The following PRKCA variants were observed in gnomAD, a reference collection of about 807,000 sequenced individuals.
The protein encoded by PRKCA is protein kinase C alpha type.
Under a neutral mutation model 87.0 loss-of-function variants are expected in PRKCA, and 27 were observed. The ratio of observed to expected loss-of-function variants is 0.31; its 90% CI spans 0.23 to 0.43. The LOEUF is 0.43. PRKCA is among the 20% of genes least tolerant of loss of function. The pLI is 1.00. For synonymous variants in PRKCA, 329 were observed against 311.1 expected, an observed-to-expected ratio of 1.06 and a Z score of -0.61; for missense variants, 518 against 852.3, an observed-to-expected ratio of 0.61 and a Z score of 4.88.
chr17:66,735,746 C>A, intron 10 of PRKCA, 84 bp downstream of exon 10: 1 of 1,473,834 alleles, frequency 6.8e-7, no homozygotes, highest in Non-Finnish European at 9.2e-7. Context: ...ATCCTTGTTC[C>A]TTTGGAGAAG....
intron 3 of PRKCA, among the ~76,000 whole-genome samples, chr17:66,617,538 C>T (rs1201532120): frequency 6.6e-6 from 1 of 152,134 alleles, no homozygotes; most frequent in African/African-American, 2.4e-5. Flanking sequence ...GTAAATTATG[C>T]ATGGGCTGGC....
chr17:66,632,066 C>A (rs1971029781), intron 3 of PRKCA, among the ~76,000 whole-genome samples: 1 of 152,104 alleles, frequency 6.6e-6, no homozygotes. Context: ...GCCAACAAAG[C>A]CCCTGTGTAG....
chr17:66,698,894 C>T (rs1972994640), intron 8 of PRKCA, among the ~76,000 whole-genome samples: 1 of 150,292 alleles, frequency 6.7e-6, no homozygotes, highest in African/African-American at 2.4e-5. Flanking sequence ...GCACAGGAAT[C>T]ACTTGAACCT....
At chr17:66,477,583 C>T (rs563059077) in intron 2 of PRKCA, among the ~76,000 whole-genome samples, 5 of 152,172 alleles carry the variant, frequency 3.3e-5, no homozygotes, top group Non-Finnish European at 7.3e-5. Context: ...ACCTGTAGTC[C>T]TAGCTACTTG....
chr17:66,424,568 A>AC (rs1598660738), intron 2 of PRKCA, among the ~76,000 whole-genome samples: 1 of 141,950 alleles, frequency 7.0e-6, no homozygotes, highest in African/African-American at 2.7e-5. Context: ...CCCTGTCTCA[A>AC]ACACACACAC....
chr17:66,743,410 G>A, intron 13 of PRKCA, among the ~76,000 whole-genome samples: 1 of 152,220 alleles, frequency 6.6e-6, no homozygotes, highest in Non-Finnish European at 1.5e-5. Flanking sequence ...GGGTTGCAGT[G>A]ATGGTGTATT....
chr17:66,673,595 A>C (rs1254163177), intron 5 of PRKCA, among the ~76,000 whole-genome samples: 1 of 152,222 alleles, frequency 6.6e-6, no homozygotes, highest in Non-Finnish European at 1.5e-5. Flanking sequence ...TCACATCAGA[A>C]ATTCTGCAAC....
intron 5 of PRKCA, among the ~76,000 whole-genome samples, chr17:66,667,854 C>G (rs1972079955): frequency 6.6e-6 from 1 of 152,208 alleles, no homozygotes; most frequent in Non-Finnish European, 1.5e-5. Flanking sequence ...CCTTGCATTT[C>G]TGGATTGAAT....
chr17:66,800,652 G>A (rs1276699465), intron 16 of PRKCA, among the ~76,000 whole-genome samples: 1 of 152,192 alleles, frequency 6.6e-6, no homozygotes, highest in Non-Finnish European at 1.5e-5. Context: ...CCCATTGGAC[G>A]ATGATTCATG....
chr17:66,716,589 A>G (rs1409959552), intron 8 of PRKCA, among the ~76,000 whole-genome samples: 1 of 152,184 alleles, frequency 6.6e-6, no homozygotes, highest in Non-Finnish European at 1.5e-5. Flanking sequence ...GGTGTTTAGC[A>G]GGTGAGACAA....
intron 2 of PRKCA, among the ~76,000 whole-genome samples, chr17:66,316,267 T>C (rs1166662576): frequency 6.6e-6 from 1 of 152,220 alleles, no homozygotes; most frequent in African/African-American, 2.4e-5. Flanking sequence ...CTTTGCCACA[T>C]ACTGATTCTT....
At chr17:66,718,925 A>AC (rs559509289) in intron 8 of PRKCA, among the ~76,000 whole-genome samples, 1 of 152,252 alleles carries the variant, frequency 6.6e-6, no homozygotes, top group East Asian at 1.9e-4. Context: ...CCCAAAAGAA[A>AC]CCAAGAGCCT....
intron 2 of PRKCA, among the ~76,000 whole-genome samples, chr17:66,319,967 C>T (rs1461037386): frequency 6.6e-6 from 1 of 152,106 alleles, no homozygotes; most frequent in Non-Finnish European, 1.5e-5. Flanking sequence ...TGGTCTTGAA[C>T]ACCTGACCTC....
intron 8 of PRKCA, among the ~76,000 whole-genome samples, chr17:66,698,839 G>A (rs1297828435): frequency 2.2e-5 from 3 of 138,892 alleles, no homozygotes; most frequent in African/African-American, 7.8e-5. Context: ...AAAAAAAATA[G>A]GTGTAGTGGT....
At chr17:66,619,310 G>T (rs930743803) in intron 3 of PRKCA, among the ~76,000 whole-genome samples, 3 of 152,186 alleles carry the variant, frequency 2.0e-5, no homozygotes, top group Non-Finnish European at 2.9e-5. Flanking sequence ...AAATTGGTCT[G>T]TGACTCTGGC....
chr17:66,324,919 C>T (rs1351627264), intron 2 of PRKCA, among the ~76,000 whole-genome samples: 2 of 152,170 alleles, frequency 1.3e-5, no homozygotes, highest in Non-Finnish European at 2.9e-5. Context: ...ACATGGGAGA[C>T]AACAATTTGC....
chr17:66,368,364 GTATA>G (rs765889045), intron 2 of PRKCA, among the ~76,000 whole-genome samples: 3,331 of 44,398 alleles, frequency 0.075, 641 homozygotes, highest in Middle Eastern at 0.22. Context: ...GTGTGTATAT[GTATA>G]TATATATATA....
chr17:66,481,917 A>G (rs1049878647), intron 2 of PRKCA, among the ~76,000 whole-genome samples: 2 of 152,036 alleles, frequency 1.3e-5, no homozygotes, highest in South Asian at 4.1e-4. Context: ...CCTGGCCAAC[A>G]TGGTGAAACC....
chr17:66,365,218 C>A (rs1030450435), intron 2 of PRKCA, among the ~76,000 whole-genome samples: 2 of 152,116 alleles, frequency 1.3e-5, no homozygotes, highest in Non-Finnish European at 1.5e-5. Context: ...CTGGAAAGTC[C>A]CGAAATTCAG....
Sources: allele counts gnomAD v4.1 joint callset (sites outside exome capture counted in the v4.1 genomes callset), GRCh38; gene constraint gnomAD v4.1.1; transcripts MANE v1.5; gene names NCBI Gene and HGNC (gene_info 2026-07-23, HGNC 2026-07-21).